PDIA4: variants seen among roughly 807,000 people sequenced by gnomAD.
The protein encoded by PDIA4 is protein disulfide-isomerase A4.
A neutral mutation model predicts 62.1 loss-of-function variants in PDIA4; 33 were observed. The observed-to-expected ratio is 0.53, with a 90% CI of 0.40 to 0.71. The LOEUF is 0.71. PDIA4 is among the 30% of genes least tolerant of loss of function. PDIA4 has a pLI of 0.00. For synonymous variants in PDIA4, 341 were observed against 324.1 expected (o/e 1.05, Z -0.56); for missense variants, 804 against 813.6 (o/e 0.99, Z 0.14).
At chr7:149,021,963 A>G (rs1293010892) in intron 1 of PDIA4, among the ~76,000 whole-genome samples, 3 of 152,060 alleles carry the variant, frequency 2.0e-5, no homozygotes, top group Non-Finnish European at 2.9e-5. Context: ...GTTCAACGTT[A>G]TTGCTCACTG....
At chr7:149,004,298 GT>G in intron 9 of PDIA4, 89 bp from the exon 10 acceptor site, 1 of 1,297,886 alleles carries the variant, frequency 7.7e-7, no homozygotes, top group Non-Finnish European at 1.1e-6. Context: ...AGTGAGGTTG[GT>G]GTGGCCACCA....
rs115214395 is a variant in PDIA4, at chr7:149,025,521, C to G, written c.88+2800G>C. On this transcript the variant is annotated intron_variant, in intron 1 of 9. Transcript: ENST00000652332. Reference sequence around the variant, plus strand: ...TGTATGTACCAGGCACTGTGCTGGGCTCTTAAACACACCACTTCACCCCTT... The same window carrying G: ...TGTATGTACCAGGCACTGTGCTGGGGTCTTAAACACACCACTTCACCCCTT... 5.5e-3 allele frequency among the ~76,000 whole-genome samples: 833 copies of G among 152,324 alleles called. 6 individuals are homozygous for G. Among genetic ancestry groups the G allele is most frequent in the African/African-American group, 0.018 (767 of 41,576 alleles).
chr7:149,028,179 T>C (rs1824627070), intron 1 of PDIA4, 142 bp downstream of exon 1: 4 of 628,220 alleles, frequency 6.4e-6, no homozygotes, highest in Non-Finnish European at 8.2e-6. Context: ...CTCCGCCAAG[T>C]TTACCCCGGG....
rs756064742 is a variant in PDIA4 at position 149,021,052 on chromosome 7, TTTCTTCCTTAACTTCCAAG to T, written c.165_183del (p.Asp55GlufsTer7). On this transcript the variant is annotated frameshift_variant, in exon 2 of 10. Transcript: ENST00000652332. LOFTEE classifies it high-confidence loss of function. Reference sequence around the variant, plus strand: ...GCATCATTTAGGACCAAGACTCCATTTTCTTCCTTAACTTCCAAGTCGTCTTCTTCCTCATCATCATCTT... The same window carrying T: ...GCATCATTTAGGACCAAGACTCCATTTCGTCTTCTTCCTCATCATCATCTT... 6.2e-7 allele frequency: 1 copy of T among 1,614,128 alleles called. No individual in the cohort carries two copies. The highest frequency in any genetic ancestry group is 2.2e-5 in the East Asian group (1 of 44,882).
At position 149,005,221 on chromosome 7, in the gene PDIA4, T is replaced by G. The variant is rs950574524; in HGVS notation, c.1442A>C (p.Glu481Ala). The change falls in exon 9 of 10, where the codon GAG becomes GCG. Residue 481 changes from glutamate (E) to alanine (A), a missense_variant. Coordinates refer to ENST00000652332, the MANE Select transcript of PDIA4 (RefSeq NM_004911.5). The stretch of plus-strand genomic sequence containing the variant: ...CTCCATGGCGAACTTCTTCCCACTC[T>G]CGTCCAGGATGGCGGCATTGACATC... ...GEDVNAAILD[E>A]SGKKFAMEPE... 5.0e-6 allele frequency: 8 copies of G among 1,614,158 alleles called. No homozygotes were observed. Among genetic ancestry groups the G allele is most frequent in the Non-Finnish European group, 6.8e-6 (8 of 1,180,022 alleles).
At chr7:149,028,279 C>G in intron 1 of PDIA4, 42 bp downstream of exon 1, 1 of 1,434,438 alleles carries the variant, frequency 7.0e-7, no homozygotes, top group Non-Finnish European at 9.4e-7. Context: ...GCTCTGCAGC[C>G]CCCGCAAGCA....
chr7:149,027,767 G>GT (rs1824608310), intron 1 of PDIA4: 2 of 440,630 alleles, frequency 4.5e-6, no homozygotes, highest in Admixed American at 2.5e-5. Flanking sequence ...AGAAGGAATG[G>GT]TATCTCTAGT....
At position 149,008,224 on chromosome 7, in the gene PDIA4, C is replaced by T; in HGVS notation, c.1066G>A (p.Val356Ile). ...TGGAATTTCTCAGGCTGCATTACAACCAACTGCCCCTGGGAGACTTTCAAG... is the reference window on the plus strand; with the variant it reads ...TGGAATTTCTCAGGCTGCATTACAATCAACTGCCCCTGGGAGACTTTCAAG... ...KFLKVSQGQL[V>I]VMQPEKFQSK... Residue 356 changes from valine to isoleucine, a missense_variant, in exon 7 of 10, where the codon GTT (valine) becomes ATT (isoleucine). Val to Ile is a conservative substitution (Grantham distance 29). Transcript: ENST00000652332. The T allele has an allele frequency of 6.2e-7, 1 of 1,614,138 alleles. No individual in the cohort carries two copies. Among genetic ancestry groups the T allele is most frequent in the Non-Finnish European group, 8.5e-7 (1 of 1,180,014 alleles).
At chr7:149,023,914 G>A (rs570288077) in intron 1 of PDIA4, among the ~76,000 whole-genome samples, 1 of 152,294 alleles carries the variant, frequency 6.6e-6, no homozygotes, top group African/African-American at 2.4e-5. Context: ...ATGGGACACA[G>A]CATTCCTAAG....
intron 2 of PDIA4, among the ~76,000 whole-genome samples, chr7:149,019,528 T>A (rs1169697779): frequency 6.6e-6 from 1 of 152,218 alleles, no homozygotes; most frequent in East Asian, 1.9e-4. Context: ...GAGACCAGCC[T>A]GGGCAGTATG....
At chr7:149,006,154 G>T in intron 7 of PDIA4, 101 bp from the exon 8 acceptor site, 1 of 1,286,066 alleles carries the variant, frequency 7.8e-7, no homozygotes, top group Non-Finnish European at 1.0e-6. Flanking sequence ...ACTTTGAAGG[G>T]GATCAGTCTT....
At position 149,005,279 on chromosome 7, in the gene PDIA4, C is replaced by T. The variant is rs755136842; in HGVS notation, c.1384G>A (p.Val462Met). The T allele has an allele frequency of 7.4e-6, 12 of 1,614,030 alleles. No homozygotes were observed. The highest frequency in any genetic ancestry group is 3.3e-5 in the Admixed American group (2 of 60,008). Residue 462 changes from valine to methionine, a missense_variant, in exon 9 of 10, where the codon GTG becomes ATG. Transcript: ENST00000652332. ...CTCTCGCTGAGCCCCAGGTCCTTCA[C>T]CTCCCCAGCATAGTCCTCTTCGTCC... ...IADEEDYAGE[V>M]KDLGLSESGE... is the part of the protein sequence containing the mutation.
At chr7:149,006,139 T>C in intron 7 of PDIA4, 86 bp from the exon 8 acceptor site, 2 of 1,415,848 alleles carry the variant, frequency 1.4e-6, no homozygotes, top group Non-Finnish European at 1.9e-6. Context: ...TTTGGGGGAG[T>C]GGCGACTTTG....
intron 6 of PDIA4, 95 bp downstream of exon 6, chr7:149,011,751 C>G (rs1823951201): frequency 9.7e-7 from 1 of 1,026,138 alleles, no homozygotes; most frequent in Admixed American, 2.5e-5. Flanking sequence ...CAAACCACCC[C>G]CTAATGGATG....
At chr7:149,008,025 CG>C in intron 7 of PDIA4, 133 bp downstream of exon 7, 1 of 810,584 alleles carries the variant, frequency 1.2e-6, no homozygotes, top group Non-Finnish European at 1.9e-6. Context: ...GTGGGGAGAA[CG>C]GGCTGGAAAA....
At chr7:149,015,697 G>C (rs946797414) in intron 3 of PDIA4, among the ~76,000 whole-genome samples, 1 of 152,178 alleles carries the variant, frequency 6.6e-6, no homozygotes, top group Non-Finnish European at 1.5e-5. Flanking sequence ...GTTGCAAACT[G>C]TCACTCTTTT....
chr7:149,003,725 G>A lies in PDIA4; in HGVS notation c.*69C>T, dbSNP rs1178022487. 8.0e-7 allele frequency: 1 copy of A among 1,244,408 alleles called. No individual in the cohort carries two copies. Among genetic ancestry groups the A allele is most frequent in the South Asian group, 2.0e-5 (1 of 50,304 alleles). 77.1% of individuals were successfully genotyped at this position (1,244,408 alleles called of 1,614,324 possible). On this transcript the variant is annotated 3_prime_UTR_variant, in exon 10 of 10. Coordinates refer to ENST00000652332, the MANE Select transcript of PDIA4 (RefSeq NM_004911.5). ...ATACTGTCGTTTGTTGCCGGCCTCG[G>A]CGTGGACGCCCCGACCATGGGCCAC...
At chr7:149,007,156 CA>C (rs1239671392) in intron 7 of PDIA4, among the ~76,000 whole-genome samples, 1 of 152,074 alleles carries the variant, frequency 6.6e-6, no homozygotes, top group Non-Finnish European at 1.5e-5. Context: ...GGCAGAGAAA[CA>C]GATGGGATGG....
chr7:149,017,554 A>G (rs1470095934), intron 3 of PDIA4, among the ~76,000 whole-genome samples: 1 of 152,186 alleles, frequency 6.6e-6, no homozygotes, highest in South Asian at 2.1e-4. Flanking sequence ...ATCGTACTGC[A>G]GCCTGGGCCA....
Sources: allele counts gnomAD v4.1 joint callset (sites outside exome capture counted in the v4.1 genomes callset), GRCh38; gene constraint gnomAD v4.1.1; transcripts MANE v1.5; gene names NCBI Gene and HGNC (gene_info 2026-07-23, HGNC 2026-07-21).